The following KCNMA1 variants were observed in gnomAD, a reference collection of about 807,000 sequenced individuals.
KCNMA1 encodes Calcium-activated potassium channel subunit alpha-1.
KCNMA1 carries 29 observed loss-of-function variants against 140.0 expected under a neutral mutation model. The observed-to-expected ratio is 0.21, with a 90% confidence interval of 0.15 to 0.28. The LOEUF (loss-of-function observed/expected upper bound fraction) is 0.28. Among genes scored for constraint, KCNMA1 ranks in the 10% least tolerant of loss-of-function variants. The pLI is 1.00. For synonymous variants in KCNMA1, 612 were observed against 611.9 expected (o/e 1.00, Z 0.00); for missense variants, 880 against 1,602.2 (o/e 0.55, Z 7.70).
intron 1 of KCNMA1, among the ~76,000 whole-genome samples, chr10:77,518,295 T>G (rs1001033317): frequency 1.3e-5 from 2 of 152,214 alleles, no homozygotes; most frequent in South Asian, 4.1e-4. Context: ...CAGTGAAATA[T>G]GAGGTCTCAA....
chr10:77,548,139 G>GA (rs34880591), intron 1 of KCNMA1, among the ~76,000 whole-genome samples: 21,121 of 151,888 alleles, frequency 0.14, 2,073 homozygotes, highest in African/African-American at 0.27. Flanking sequence ...GGAAAAGGAT[G>GA]AAAAAAAATG....
intron 1 of KCNMA1, among the ~76,000 whole-genome samples, chr10:77,474,169 C>T (rs968356685): frequency 6.6e-6 from 1 of 152,210 alleles, no homozygotes; most frequent in Non-Finnish European, 1.5e-5. Flanking sequence ...GCCAGACACA[C>T]AGCAAAGACA....
intron 1 of KCNMA1, among the ~76,000 whole-genome samples, chr10:77,451,465 A>G (rs184869037): frequency 1.3e-5 from 2 of 152,302 alleles, no homozygotes; most frequent in Admixed American, 1.3e-4. Context: ...CGAGTAGGTG[A>G]GAAGGCATGT....
chr10:77,130,312 C>A (rs1475718859), intron 5 of KCNMA1, among the ~76,000 whole-genome samples: 1 of 152,118 alleles, frequency 6.6e-6, no homozygotes, highest in Non-Finnish European at 1.5e-5. Context: ...ATAAAATATG[C>A]TTTGCGTTAG....
rs35370605 is a variant in KCNMA1 at position 77,544,150 on chromosome 10, CTGTGTG to C, written c.378+93109_378+93114del. Among the ~76,000 whole-genome samples the C allele has an allele frequency of 4.2e-3, 597 of 142,544 alleles. 3 individuals carry two copies. The highest frequency in any genetic ancestry group is 0.01 in the Middle Eastern group (3 of 288). 93.5% of individuals were successfully genotyped at this position (142,544 alleles called of 152,430 possible). A position where few individuals can be genotyped will look rare whatever the true frequency, so the allele number is the denominator to read the frequency against. On this transcript the variant is annotated intron_variant, in intron 1 of 27. Coordinates refer to ENST00000286628, the MANE Select transcript of KCNMA1 (RefSeq NM_001161352.2). Reference sequence around the variant, plus strand: ...ATCTGTGATCTACATATCTTTCCAGCTGTGTGTGTGTGTGTGTGTGTGTGTGTGTGT... The same window carrying C: ...ATCTGTGATCTACATATCTTTCCAGCTGTGTGTGTGTGTGTGTGTGTGTGT...
chr10:77,088,745 C>T (rs1444007988), intron 10 of KCNMA1, among the ~76,000 whole-genome samples: 1 of 152,170 alleles, frequency 6.6e-6, no homozygotes, highest in African/African-American at 2.4e-5. Flanking sequence ...TTTATTCAAA[C>T]TAAAGCAGTG....
At chr10:76,914,901 C>A (rs778667686) in intron 24 of KCNMA1, 35 bp downstream of exon 24, 5 of 1,470,112 alleles carry the variant, frequency 3.4e-6, no homozygotes, top group Non-Finnish European at 4.8e-6. Flanking sequence ...AAAGACAGAA[C>A]AAAAACTCCC....
intron 3 of KCNMA1, among the ~76,000 whole-genome samples, chr10:77,222,116 GAA>G (rs985928285): frequency 6.6e-6 from 1 of 152,092 alleles, no homozygotes; most frequent in Non-Finnish European, 1.5e-5. Context: ...ACAAGAGAGA[GAA>G]AAAAAGGCAG....
At chr10:77,628,381 C>T (rs901616599) in intron 1 of KCNMA1, among the ~76,000 whole-genome samples, 15 of 152,118 alleles carry the variant, frequency 9.9e-5, no homozygotes, top group African/African-American at 3.6e-4. Context: ...TCTCGCCGGG[C>T]GCGGTGGCTC....
intron 17 of KCNMA1, chr10:77,012,651 T>C: frequency 7.0e-6 from 7 of 1,000,782 alleles, no homozygotes; most frequent in Non-Finnish European, 1.1e-5. Flanking sequence ...CAAAGCTGAC[T>C]GGACCAATTC....
intron 1 of KCNMA1, among the ~76,000 whole-genome samples, chr10:77,568,699 A>G (rs1328737728): frequency 1.1e-4 from 16 of 147,534 alleles, no homozygotes; most frequent in Non-Finnish European, 1.8e-4. Context: ...CTCTCTCACC[A>G]CTCCTATTCA....
At chr10:76,995,468 G>C in intron 19 of KCNMA1, 1 of 434,292 alleles carries the variant, frequency 2.3e-6, no homozygotes, top group South Asian at 1.7e-5. Context: ...TCAAACCTCT[G>C]CTTGTTCATC....
intron 1 of KCNMA1, among the ~76,000 whole-genome samples, chr10:77,555,395 A>T (rs764900514): frequency 6.6e-6 from 1 of 152,246 alleles, no homozygotes. Context: ...GAAAAAAAAC[A>T]GAAAGGTAGC....
At chr10:77,599,655 C>A (rs2082023594) in intron 1 of KCNMA1, among the ~76,000 whole-genome samples, 1 of 152,162 alleles carries the variant, frequency 6.6e-6, no homozygotes, top group Non-Finnish European at 1.5e-5. Flanking sequence ...GATGTGTGAT[C>A]ATGAAGCACC....
chr10:77,332,164 A>G (rs956481978), intron 2 of KCNMA1, among the ~76,000 whole-genome samples: 2 of 152,170 alleles, frequency 1.3e-5, no homozygotes, highest in Non-Finnish European at 1.5e-5. Flanking sequence ...GGGAACACAG[A>G]GGAGGAACAT....
In KCNMA1 at chr10:76,887,522, A is replaced by G. The variant is rs2037633155; in HGVS notation, c.3462-7T>C. 5.0e-6 allele frequency: 8 copies of G among 1,614,088 alleles called. No individual in the cohort carries two copies. Among genetic ancestry groups the G allele is most frequent in the Admixed American group, 1.7e-5 (1 of 60,012 alleles). On this transcript the variant is annotated splice_polypyrimidine_tract_variant and splice_region_variant and intron_variant, in intron 27 of 27. Transcript: ENST00000286628. ...CGGGTTGGTGATGACATACCTGGAC[A>G]GGGAAAGCAGAGATGTCACCTCCTG...
chr10:77,193,791 G>A (rs2039467328), intron 3 of KCNMA1, among the ~76,000 whole-genome samples: 1 of 152,176 alleles, frequency 6.6e-6, no homozygotes, highest in Non-Finnish European at 1.5e-5. Flanking sequence ...AAAGGAAAGA[G>A]AAGAGAAGTC....
intron 1 of KCNMA1, among the ~76,000 whole-genome samples, chr10:77,611,980 C>T (rs1327841950): frequency 3.9e-5 from 6 of 152,194 alleles, no homozygotes; most frequent in African/African-American, 1.4e-4. Context: ...TGACTAGTGA[C>T]ATGATTTAAG....
At chr10:77,383,924 A>G (rs625587) in intron 2 of KCNMA1, among the ~76,000 whole-genome samples, 124,556 of 152,224 alleles carry the variant, frequency 0.82, 51,257 homozygotes, top group African/African-American at 0.9. Flanking sequence ...CCCAGGTTTA[A>G]AGTTTCTCAG....
Sources: allele counts gnomAD v4.1 joint callset (sites outside exome capture counted in the v4.1 genomes callset), GRCh38; gene constraint gnomAD v4.1.1; transcripts MANE v1.5; gene names NCBI Gene and HGNC (gene_info 2026-07-23, HGNC 2026-07-21).